NAP1L4: variants seen among roughly 807,000 people sequenced by gnomAD.
NAP1L4 encodes nucleosome assembly protein 1 like 4.
A neutral mutation model predicts 58.2 loss-of-function variants in NAP1L4; 15 were observed. That is an observed-to-expected ratio of 0.26 (90% CI 0.17 to 0.40). The LOEUF (loss-of-function observed/expected upper bound fraction) is 0.40, where lower values mean the gene tolerates loss of function less well. Among genes scored for constraint, NAP1L4 ranks in the 10% least tolerant of loss-of-function variants. The probability of loss-of-function intolerance (pLI) is 1.00; values close to 1 mark genes in which losing one functional copy is unlikely to be tolerated. For missense variants in NAP1L4, 384 were observed against 451.1 expected (o/e 0.85, Z 1.35); for synonymous variants, 171 against 155.6 (o/e 1.10, Z -0.74).
chr11:2,952,403 C>T (rs1015407088), intron 12 of NAP1L4: 6 of 152,690 alleles, frequency 3.9e-5, no homozygotes, highest in African/African-American at 1.2e-4. Flanking sequence ...GACTAAAAAT[C>T]AAGTTTCAAA....
chr11:2,958,687 G>T, intron 9 of NAP1L4, 143 bp from the exon 10 acceptor site: 1 of 794,630 alleles, frequency 1.3e-6, no homozygotes, highest in South Asian at 1.9e-5. Context: ...AATGGCCCAT[G>T]AAGTTCATCT....
intron 3 of NAP1L4, among the ~76,000 whole-genome samples, chr11:2,976,405 C>G (rs1446068997): frequency 6.6e-6 from 1 of 152,138 alleles, no homozygotes; most frequent in African/African-American, 2.4e-5. Context: ...GTTTAAGCAC[C>G]AGACTTAAAC....
At chr11:2,966,469 A>G (rs1449682094) in intron 7 of NAP1L4, among the ~76,000 whole-genome samples, 1 of 152,018 alleles carries the variant, frequency 6.6e-6, no homozygotes, top group African/African-American at 2.4e-5. Flanking sequence ...CTTTATCAAC[A>G]ATTCTCTGCT....
At position 2,949,124 on chromosome 11, in the gene NAP1L4, T is replaced by A; in HGVS notation, c.*32+103A>T. ...TGTCAAACCTGTGACACAGTGAGTGTACCTGGACAGCAACTCCCTCTTTAT... is the reference window on the plus strand; with the variant it reads ...TGTCAAACCTGTGACACAGTGAGTGAACCTGGACAGCAACTCCCTCTTTAT... On this transcript the variant is annotated intron_variant, in intron 15 of 15. Transcript: ENST00000380542. The surrounding 1 kb of genome is among the most constrained non-coding windows in gnomAD (Gnocchi z 4.0). 2 of 877,752 alleles carry A rather than the reference T, an allele frequency of 2.3e-6. No homozygotes were observed. Among genetic ancestry groups the A allele is most frequent in the Non-Finnish European group, 3.6e-6 (2 of 551,376 alleles). The allele number at this position is 877,752 out of a possible 1,614,324, so 54.4% of individuals were successfully genotyped here. A position where few individuals can be genotyped will look rare whatever the true frequency, so the allele number is the denominator to read the frequency against.
chr11:2,969,744 A>G, intron 7 of NAP1L4, 59 bp downstream of exon 7: 1 of 1,544,876 alleles, frequency 6.5e-7, no homozygotes, highest in South Asian at 1.2e-5. Flanking sequence ...AAAATGCCAT[A>G]GATAAGTAAT....
chr11:2,957,308 C>A (rs1193054916), intron 10 of NAP1L4, among the ~76,000 whole-genome samples: 1 of 152,206 alleles, frequency 6.6e-6, no homozygotes, highest in African/African-American at 2.4e-5. Context: ...TGACTGCTCT[C>A]ATTCCCCAAA....
chr11:2,961,985 T>G (rs1590232685), intron 8 of NAP1L4, among the ~76,000 whole-genome samples: 1 of 152,242 alleles, frequency 6.6e-6, no homozygotes, highest in East Asian at 1.9e-4. Flanking sequence ...ATAAGACTGC[T>G]TCATTCACAC....
intron 4 of NAP1L4, among the ~76,000 whole-genome samples, chr11:2,973,617 C>T (rs1048745897): frequency 6.6e-6 from 1 of 152,130 alleles, no homozygotes; most frequent in Non-Finnish European, 1.5e-5. Flanking sequence ...CTACCTCAAG[C>T]TAAAGGTCCT....
intron 2 of NAP1L4, among the ~76,000 whole-genome samples, chr11:2,978,972 G>A (rs987265500): frequency 6.6e-6 from 1 of 151,632 alleles, no homozygotes; most frequent in African/African-American, 2.4e-5. Flanking sequence ...GGGTGTTAAA[G>A]CATGGAGAGC....
At chr11:2,990,120 A>C (rs1374729035) in intron 1 of NAP1L4, 1 of 133,996 alleles carries the variant, frequency 7.5e-6, no homozygotes, top group Non-Finnish European at 1.6e-5. Context: ...CAAAATTCAC[A>C]AAAGTGTTAT....
rs553078194 is a variant in NAP1L4 at position 2,951,845 on chromosome 11, A to G, written c.1036-36T>C. 9 of 1,607,034 alleles carry G rather than the reference A, an allele frequency of 5.6e-6. No individual in the cohort carries two copies. The South Asian group carries it at 9.9e-5, about 18-fold the overall frequency. ...ACAGAAAAACATTTTTAGGTTTACA[A>G]AACATGACAGCAGCCTGCCCAAGAC... On this transcript the variant is annotated intron_variant, in intron 12 of 15. Transcript: ENST00000380542. This position sits in a 1 kb window ranked among gnomAD's most constrained non-coding sequence, Gnocchi z 4.0.
Position 2,951,853 on chromosome 11 carries a change from C to G in NAP1L4, c.1036-44G>C. On this transcript the variant is annotated intron_variant, in intron 12 of 15. Transcript: ENST00000380542. The surrounding 1 kb of genome is among the most constrained non-coding windows in gnomAD (Gnocchi z 4.0). ...ACATTTTTAGGTTTACAAAACATGACAGCAGCCTGCCCAAGACACCAGTCC... is the reference window on the plus strand; with the variant it reads ...ACATTTTTAGGTTTACAAAACATGAGAGCAGCCTGCCCAAGACACCAGTCC... The G allele has an allele frequency of 6.3e-7, 1 of 1,591,088 alleles. No individual in the cohort carries two copies. The highest frequency in any genetic ancestry group is 8.6e-7 in the Non-Finnish European group (1 of 1,160,010).
chr11:2,977,640 A>G (rs10488673), intron 3 of NAP1L4, among the ~76,000 whole-genome samples: 34,695 of 152,038 alleles, frequency 0.23, 4,118 homozygotes, highest in South Asian at 0.34. Flanking sequence ...ATGACTGTCT[A>G]TTAGAGAATG....
chr11:2,992,030 G>C (rs900756691), intron 1 of NAP1L4: 7 of 152,152 alleles, frequency 4.6e-5, no homozygotes, highest in Admixed American at 1.3e-4. Context: ...GGGGCCTCCC[G>C]CCAGCGCCCC....
intron 12 of NAP1L4, chr11:2,952,295 ATCT>A (rs977349351): frequency 6.2e-6 from 1 of 160,340 alleles, no homozygotes; most frequent in African/African-American, 2.4e-5. Context: ...TTGGTGTTTA[ATCT>A]TTAAAGTGAT....
At chr11:2,991,159 A>G (rs1254350958) in intron 1 of NAP1L4, 1 of 456,300 alleles carries the variant, frequency 2.2e-6, no homozygotes, top group African/African-American at 2.0e-5. Flanking sequence ...AGGTGATGTG[A>G]CACACACGTT....
chr11:2,966,507 A>G (rs1388458889), intron 7 of NAP1L4, among the ~76,000 whole-genome samples: 2 of 152,158 alleles, frequency 1.3e-5, no homozygotes, highest in Non-Finnish European at 2.9e-5. Context: ...TAGCTCCCAC[A>G]TGAGTGTGAA....
intron 4 of NAP1L4, 23 bp downstream of exon 4, chr11:2,976,001 G>A (rs1847931236): frequency 6.4e-7 from 1 of 1,574,232 alleles, no homozygotes; most frequent in African/African-American, 1.4e-5. Flanking sequence ...AATTGCATGA[G>A]ACCCTATTCA....
intron 4 of NAP1L4, among the ~76,000 whole-genome samples, chr11:2,974,654 G>A (rs150153384): frequency 3.3e-5 from 5 of 152,282 alleles, no homozygotes; most frequent in African/African-American, 1.2e-4. Flanking sequence ...CCAGCACTTT[G>A]GGAGGCCAAG....
Sources: allele counts gnomAD v4.1 joint callset (sites outside exome capture counted in the v4.1 genomes callset), GRCh38; gene constraint gnomAD v4.1.1; non-coding constraint Gnocchi (gnomAD v3.1); transcripts MANE v1.5; gene names NCBI Gene and HGNC (gene_info 2026-07-23, HGNC 2026-07-21).